Variants in KAT6B observed in about 807,000 individuals in gnomAD.
The protein encoded by KAT6B is lysine acetyltransferase 6B.
A neutral mutation model predicts 187.5 loss-of-function variants in KAT6B; 10 were observed. The observed-to-expected ratio is 0.05, with a 90% CI of 0.03 to 0.09. The LOEUF is 0.09. KAT6B is among the 10% of genes least tolerant of loss of function. The probability of loss-of-function intolerance (pLI) is 1.00; values close to 1 mark genes in which losing one functional copy is unlikely to be tolerated. For synonymous variants in KAT6B, 861 were observed against 926.8 expected, an observed-to-expected ratio of 0.93 and a Z score of 1.29; for missense variants, 1,952 against 2,558.9, an observed-to-expected ratio of 0.76 and a Z score of 5.12.
At chr10:74,918,163 A>G (rs1031081023) in intron 3 of KAT6B, among the ~76,000 whole-genome samples, 1 of 152,360 alleles carries the variant, frequency 6.6e-6, no homozygotes, top group East Asian at 1.9e-4. Context: ...ATAGCATCTA[A>G]TAGCATTTAA....
At chr10:74,854,830 G>A (rs1033742737) in intron 3 of KAT6B, among the ~76,000 whole-genome samples, 11 of 152,178 alleles carry the variant, frequency 7.2e-5, no homozygotes, top group East Asian at 3.9e-4. Flanking sequence ...CAGCATAGGC[G>A]TACACAGAAA....
At chr10:75,011,621 C>T (rs1370447813) in intron 13 of KAT6B, among the ~76,000 whole-genome samples, 1 of 152,224 alleles carries the variant, frequency 6.6e-6, no homozygotes, top group African/African-American at 2.4e-5. Flanking sequence ...TAACATCTCT[C>T]ATTCCATGAT....
chr10:75,026,734 C>G (rs991843788), intron 17 of KAT6B, among the ~76,000 whole-genome samples: 2 of 151,840 alleles, frequency 1.3e-5, no homozygotes, highest in Admixed American at 6.6e-5. Flanking sequence ...ATGCCTGATT[C>G]CTTTCAGGAT....
intron 1 of KAT6B, 65 bp downstream of exon 1, chr10:74,826,850 G>C (rs1186748443): frequency 6.6e-6 from 1 of 151,686 alleles, no homozygotes; most frequent in Non-Finnish European, 1.5e-5. Flanking sequence ...AACAGACGGG[G>C]GGGGATTCAG....
At chr10:74,955,252 C>A (rs546042763) in intron 3 of KAT6B, among the ~76,000 whole-genome samples, 1 of 152,116 alleles carries the variant, frequency 6.6e-6, no homozygotes, top group African/African-American at 2.4e-5. Flanking sequence ...CAAAACCATC[C>A]TTTTTCTTTT....
chr10:74,894,152 G>A (rs188951534), intron 3 of KAT6B, among the ~76,000 whole-genome samples: 5 of 152,122 alleles, frequency 3.3e-5, no homozygotes, highest in Admixed American at 3.3e-4. Context: ...GCACGATCTC[G>A]GCTCGCTGCA....
intron 16 of KAT6B, 98 bp downstream of exon 16, chr10:75,022,329 C>A: frequency 7.4e-7 from 1 of 1,355,798 alleles, no homozygotes; most frequent in South Asian, 1.2e-5. Flanking sequence ...ACTCTCTGTT[C>A]TTTAGTCGTA....
At chr10:75,004,383 T>A (rs1844062065) in intron 13 of KAT6B, among the ~76,000 whole-genome samples, 1 of 152,222 alleles carries the variant, frequency 6.6e-6, no homozygotes, top group Admixed American at 6.5e-5. Context: ...ACCTGCCAGA[T>A]GCATCCAGCT....
chr10:74,881,103 T>C (rs1844820844), intron 3 of KAT6B, among the ~76,000 whole-genome samples: 2 of 151,768 alleles, frequency 1.3e-5, no homozygotes, highest in South Asian at 2.1e-4. Context: ...AGAGATGGGG[T>C]TTCACCATAT....
At chr10:74,980,244 T>A (rs1842425428) in intron 10 of KAT6B, among the ~76,000 whole-genome samples, 1 of 152,222 alleles carries the variant, frequency 6.6e-6, no homozygotes, top group Admixed American at 6.5e-5. Context: ...AACGAATATA[T>A]CCCAAAATGG....
chr10:74,966,585 G>A lies in KAT6B; in HGVS notation c.731-3075G>A, dbSNP rs574003626. Among the ~76,000 whole-genome samples, 64 of 152,280 alleles carry A rather than the reference G, an allele frequency of 4.2e-4. No individual in the cohort carries two copies. The South Asian group carries it at 7.0e-3, about 17-fold the overall frequency. ...TAGATAAAACTATTGTAAGCTACTA[G>A]TACTTGACAATGTATTTGTGTAAAA... On this transcript the variant is annotated intron_variant, in intron 4 of 17. Transcript: ENST00000287239.
chr10:75,007,923 A>G (rs1232438552), intron 13 of KAT6B, among the ~76,000 whole-genome samples: 1 of 152,200 alleles, frequency 6.6e-6, no homozygotes, highest in East Asian at 1.9e-4. Context: ...GTGCACAAGT[A>G]TTTAGTGTAC....
At chr10:74,907,442 T>A (rs1846851328) in intron 3 of KAT6B, among the ~76,000 whole-genome samples, 1 of 152,240 alleles carries the variant, frequency 6.6e-6, no homozygotes, top group Non-Finnish European at 1.5e-5. Context: ...TCTGGTGTTC[T>A]TCAGTGCAGT....
chr10:75,002,571 G>T (rs1843919770), intron 13 of KAT6B, among the ~76,000 whole-genome samples: 1 of 151,794 alleles, frequency 6.6e-6, no homozygotes, highest in Non-Finnish European at 1.5e-5. Flanking sequence ...AAGTCTATAG[G>T]TTACTACACA....
Position 75,029,968 on chromosome 10 carries a change from C to T in KAT6B, c.5144C>T (p.Thr1715Ile). 6.2e-7 allele frequency: 1 copy of T among 1,614,232 alleles called. No individual in the cohort carries two copies. The highest frequency in any genetic ancestry group is 8.5e-7 in the Non-Finnish European group (1 of 1,180,038). ...AGCAACCTCACCTCCAGCAGTCTGACACAGAGCAGCTGTGCTGTCACCCAG... is the reference window on the plus strand; with the variant it reads ...AGCAACCTCACCTCCAGCAGTCTGATACAGAGCAGCTGTGCTGTCACCCAG... ...SYSNLTSSSL[T>I]QSSCAVTQQM... is the part of the protein sequence containing the mutation. Residue 1715 changes from threonine (T) to isoleucine (I), a missense_variant, in exon 18 of 18, where the codon ACA (threonine) becomes ATA (isoleucine). Physicochemically the swap from Thr to Ile is moderately conservative, Grantham distance 89. This residue lies in a region of KAT6B where 87 missense variants were observed against 167.5 expected (regional missense o/e 0.52). Transcript: ENST00000287239. This position sits in a 1 kb window ranked among gnomAD's most constrained non-coding sequence, Gnocchi z 6.2.
chr10:74,966,248 C>T (rs1325769187), intron 4 of KAT6B, among the ~76,000 whole-genome samples: 2 of 152,168 alleles, frequency 1.3e-5, no homozygotes, highest in Admixed American at 6.5e-5. Context: ...TAACCAAGTC[C>T]GTAAAAGGTT....
intron 3 of KAT6B, among the ~76,000 whole-genome samples, chr10:74,862,360 T>G (rs531945253): frequency 6.6e-6 from 1 of 152,276 alleles, no homozygotes; most frequent in African/African-American, 2.4e-5. Flanking sequence ...TTCTTGCCCC[T>G]CCTCTCCTTC....
At chr10:74,996,784 A>G (rs1843461393) in intron 13 of KAT6B, among the ~76,000 whole-genome samples, 1 of 151,320 alleles carries the variant, frequency 6.6e-6, no homozygotes, top group Non-Finnish European at 1.5e-5. Flanking sequence ...AAAAAAAAAA[A>G]AAAAAGCTAG....
intron 3 of KAT6B, among the ~76,000 whole-genome samples, chr10:74,935,528 C>T (rs978374850): frequency 1.3e-5 from 2 of 152,174 alleles, no homozygotes; most frequent in Non-Finnish European, 2.9e-5. Flanking sequence ...GTCTTGAACT[C>T]CTGGCTTCAA....
Sources: gnomAD v4.1 joint callset for allele counts (sites outside exome capture counted in the v4.1 genomes callset) on GRCh38, gnomAD v4.1.1 for gene constraint, gnomAD v4.1.1 regional missense constraint, Gnocchi (gnomAD v3.1) non-coding constraint, MANE v1.5 for transcripts, NCBI Gene and HGNC (gene_info 2026-07-23, HGNC 2026-07-21) for gene names.